Variants in ANKFN1 observed in about 807,000 individuals in gnomAD.
ANKFN1 encodes the protein ankyrin repeat and fibronectin type-III domain-containing protein 1.
In ANKFN1, 74 loss-of-function variants were observed where a neutral mutation model predicts 108.7. That is an observed-to-expected ratio of 0.68 (90% CI 0.56 to 0.83). The LOEUF (loss-of-function observed/expected upper bound fraction) is 0.83, where lower values mean the gene tolerates loss of function less well. Ranked by LOEUF, ANKFN1 falls within the 40% of genes least tolerant of loss-of-function variation. ANKFN1 has a pLI of 0.00. For missense variants in ANKFN1, 1,505 were observed against 1,382.3 expected, an observed-to-expected ratio of 1.09 and a Z score of -1.41; for synonymous variants, 547 against 516.2, an observed-to-expected ratio of 1.06 and a Z score of -0.81.
At chr17:56,337,051 A>C (rs1014635918) in intron 4 of ANKFN1, among the ~76,000 whole-genome samples, 2 of 152,150 alleles carry the variant, frequency 1.3e-5, no homozygotes, top group East Asian at 3.9e-4. Context: ...CTTAATCCTG[A>C]GTTCTAATTT....
chr17:56,286,915 A>T (rs1478141917), intron 3 of ANKFN1, among the ~76,000 whole-genome samples: 1 of 151,826 alleles, frequency 6.6e-6, no homozygotes, highest in Non-Finnish European at 1.5e-5. Context: ...CCTTCCAAGA[A>T]CTCTGCCAAC....
rs1010821153 is a variant in ANKFN1 at position 56,511,427 on chromosome 17, A to G, written c.*158A>G. On this transcript the variant is annotated 3_prime_UTR_variant, in exon 21 of 21. Transcript: ENST00000682825. The stretch of plus-strand genomic sequence containing the variant: ...GTTCAAGGTCCTCTTTTTTTGGAAC[A>G]GAGTGGTGGGTGGAGGCCAGAGTTG... 7 of 880,362 alleles carry G rather than the reference A, an allele frequency of 8.0e-6. No homozygotes were observed. In the African/African-American group the frequency reaches 8.5e-5, roughly 11 times the overall value. The allele number at this position is 880,362 out of a possible 1,614,324, so 54.5% of individuals were successfully genotyped here. A position where few individuals can be genotyped will look rare whatever the true frequency, so the allele number is the denominator to read the frequency against.
chr17:56,340,186 T>C (rs1008291388), intron 4 of ANKFN1, among the ~76,000 whole-genome samples: 44 of 152,164 alleles, frequency 2.9e-4, no homozygotes, highest in Non-Finnish European at 2.1e-4. Context: ...TTAAGTTCCT[T>C]GTAGATGCTG....
chr17:56,128,775 A>C, intron 4 of ANKFN1, among the ~76,000 whole-genome samples: 1 of 152,314 alleles, frequency 6.6e-6, no homozygotes, highest in East Asian at 1.9e-4. Context: ...CCTTTTAGCT[A>C]ACATCTATTA....
chr17:56,058,249 C>T (rs990244721), intron 4 of ANKFN1, among the ~76,000 whole-genome samples: 1 of 152,182 alleles, frequency 6.6e-6, no homozygotes, highest in African/African-American at 2.4e-5. Flanking sequence ...CTATGAAAGT[C>T]CTAGATGTTA....
intron 1 of ANKFN1, among the ~76,000 whole-genome samples, chr17:56,182,016 A>C (rs1259307714): frequency 5.3e-5 from 8 of 152,184 alleles, no homozygotes; most frequent in Admixed American, 5.2e-4. Context: ...GGGGCATCAC[A>C]AAGTGCTCCC....
At chr17:56,358,822 A>G (rs750043280) in intron 6 of ANKFN1, among the ~76,000 whole-genome samples, 1 of 152,188 alleles carries the variant, frequency 6.6e-6, no homozygotes, top group Non-Finnish European at 1.5e-5. Context: ...CTCATGTTCA[A>G]TTGAACAACT....
intron 1 of ANKFN1, among the ~76,000 whole-genome samples, chr17:56,157,693 C>T (rs1909246527): frequency 6.6e-6 from 1 of 152,228 alleles, no homozygotes; most frequent in South Asian, 2.1e-4. Context: ...GACTCCACTT[C>T]CTTTAAACCT....
intron 4 of ANKFN1, among the ~76,000 whole-genome samples, chr17:56,105,849 G>A (rs1346924): frequency 0.67 from 101,348 of 151,208 alleles, 35,084 homozygotes; most frequent in African/African-American, 0.85. Context: ...TCCCCAGGAG[G>A]CATTTCTGAT....
At chr17:56,133,331 A>G (rs1276385566) in intron 4 of ANKFN1, among the ~76,000 whole-genome samples, 1 of 152,222 alleles carries the variant, frequency 6.6e-6, no homozygotes, top group Admixed American at 6.5e-5. Context: ...ATGACCCCCA[A>G]AGTAAACTAA....
chr17:56,064,916 C>T (rs1905036479), intron 4 of ANKFN1, among the ~76,000 whole-genome samples: 1 of 152,152 alleles, frequency 6.6e-6, no homozygotes, highest in South Asian at 2.1e-4. Context: ...AGCATGGTTT[C>T]CCCACCTAGG....
intron 1 of ANKFN1, among the ~76,000 whole-genome samples, chr17:56,205,901 C>T (rs1377108385): frequency 6.6e-6 from 1 of 152,138 alleles, no homozygotes; most frequent in Non-Finnish European, 1.5e-5. Flanking sequence ...GAGAAGTAAT[C>T]ACCCTTTCCT....
chr17:56,509,269 A>C (rs1273069381), intron 20 of ANKFN1, among the ~76,000 whole-genome samples: 2 of 152,242 alleles, frequency 1.3e-5, no homozygotes, highest in African/African-American at 4.8e-5. Flanking sequence ...TGTGTGAAAG[A>C]AGCTCAAAAG....
chr17:56,242,443 T>A (rs894528581), intron 3 of ANKFN1, among the ~76,000 whole-genome samples: 1 of 152,062 alleles, frequency 6.6e-6, no homozygotes, highest in African/African-American at 2.4e-5. Context: ...TTAGTATAGG[T>A]TTTTATGTGA....
chr17:56,302,385 C>T (rs1245244066), intron 3 of ANKFN1, among the ~76,000 whole-genome samples: 2 of 151,740 alleles, frequency 1.3e-5, no homozygotes, highest in African/African-American at 2.4e-5. Flanking sequence ...CTTAGCCAGG[C>T]ATGGTGGCAG....
chr17:56,189,179 T>TTTTTTTTTTTGTTTTTTTG (rs1244013476), intron 1 of ANKFN1, among the ~76,000 whole-genome samples: 1 of 111,400 alleles, frequency 9.0e-6, no homozygotes, highest in African/African-American at 4.9e-5. Context: ...ACTTTTTTTT[T>TTTTTTTTTTTGTTTTTTTG]TTTTTTTTTG....
chr17:56,059,622 G>T (rs1904939787), intron 4 of ANKFN1, among the ~76,000 whole-genome samples: 1 of 152,126 alleles, frequency 6.6e-6, no homozygotes, highest in Non-Finnish European at 1.5e-5. Context: ...AAGGTGTAAG[G>T]AAGGGATCCA....
At chr17:56,140,341 A>G (rs565342123) in intron 4 of ANKFN1, among the ~76,000 whole-genome samples, 1 of 152,304 alleles carries the variant, frequency 6.6e-6, no homozygotes, top group South Asian at 2.1e-4. Context: ...AAATGACTGC[A>G]TAGTCTTTCA....
chr17:56,315,678 G>A lies in ANKFN1; in HGVS notation c.54-10543G>A, dbSNP rs1232149928. On this transcript the variant is annotated intron_variant, in intron 3 of 20. Transcript: ENST00000682825. ...TTTGGCATATGCAGTCCTTGAGAAA[G>A]CTCCTCTGAGCTTAGAAAGCTCCTC... Among the ~76,000 whole-genome samples the A allele has an allele frequency of 2.0e-5, 3 of 152,154 alleles. No individual in the cohort carries two copies. The South Asian group carries it at 6.2e-4, about 32-fold the overall frequency.
Sources: gnomAD v4.1 joint callset for allele counts (sites outside exome capture counted in the v4.1 genomes callset) on GRCh38, gnomAD v4.1.1 for gene constraint, MANE v1.5 for transcripts, NCBI Gene and HGNC (gene_info 2026-07-23, HGNC 2026-07-21) for gene names.